The following VWF variants were observed in gnomAD, a reference collection of about 807,000 sequenced individuals.
VWF encodes the protein Factor VIII related antigen.
In VWF, 176 loss-of-function variants were observed where a neutral mutation model predicts 308.6. The ratio of observed to expected loss-of-function variants is 0.57; its 90% CI spans 0.50 to 0.65. VWF has a LOEUF of 0.65. VWF is among the 30% of genes least tolerant of loss of function. The pLI, the probability that VWF is intolerant of heterozygous loss-of-function variation, is 0.00. For missense variants in VWF, 3,146 were observed against 3,648.2 expected (o/e 0.86, Z 3.55); for synonymous variants, 1,385 against 1,443.4 (o/e 0.96, Z 0.92).
chr12:6,030,515 A>G (rs1944248706), intron 21 of VWF, among the ~76,000 whole-genome samples: 1 of 152,184 alleles, frequency 6.6e-6, no homozygotes, highest in South Asian at 2.1e-4. Context: ...CACTCCACAT[A>G]GTCAAAGCAG....
At chr12:6,113,920 C>A (rs1945337515) in intron 3 of VWF, among the ~76,000 whole-genome samples, 1 of 152,240 alleles carries the variant, frequency 6.6e-6, no homozygotes, top group South Asian at 2.1e-4. Context: ...CACTGGAGAC[C>A]TGCCAGAGCA....
chr12:6,064,030 T>C (rs978630095), intron 12 of VWF, among the ~76,000 whole-genome samples: 2 of 152,236 alleles, frequency 1.3e-5, no homozygotes, highest in Non-Finnish European at 1.5e-5. Context: ...TCTTCATCTA[T>C]AGGCTTCCTT....
intron 4 of VWF, 84 bp downstream of exon 4, chr12:6,110,782 G>A (rs1252230456): frequency 4.8e-6 from 7 of 1,467,152 alleles, no homozygotes; most frequent in African/African-American, 1.4e-5. Context: ...CCATTCTCTG[G>A]GCCCCAGCTT....
chr12:5,964,172 T>C (rs544221739), intron 47 of VWF, among the ~76,000 whole-genome samples: 4 of 138,926 alleles, frequency 2.9e-5, no homozygotes, highest in Admixed American at 7.1e-5. Context: ...AGCCGAGATC[T>C]CACCACTGCA....
rs549908969 is a variant in VWF, at chr12:5,968,222, C to T, written c.7730-55G>A. 356 of 1,608,740 alleles carry T rather than the reference C, an allele frequency of 2.2e-4. 1 individual carries two copies. In the African/African-American group the frequency reaches 4.1e-3, roughly 18 times the overall value. On this transcript the variant is annotated intron_variant, in intron 45 of 51. Transcript: ENST00000261405. ...TGGGCAAAACACACCCTGGTGAGAC[C>T]GGCGAGCAGGCTGCTCTCTTTGGGG...
rs115157369 is a variant in VWF, at chr12:6,020,640, T to A, written c.3675-897A>T. 3.1e-3 allele frequency among the ~76,000 whole-genome samples: 476 copies of A among 152,348 alleles called. 3 individuals carry two copies. Among genetic ancestry groups the A allele is most frequent in the African/African-American group, 0.011 (458 of 41,590 alleles). ...GCCCACAGGTGAAATCAAGTGACCG[T>A]GTGGTGGAGACCAATATGGGCCAGG... is the stretch of plus-strand genomic sequence containing the variant. On this transcript the variant is annotated intron_variant, in intron 27 of 51. Coordinates refer to ENST00000261405, the MANE Select transcript of VWF (RefSeq NM_000552.5). The surrounding 1 kb of genome is among the most constrained non-coding windows in gnomAD (Gnocchi z 4.3).
At chr12:5,977,861 C>A (rs191276807) in intron 42 of VWF, among the ~76,000 whole-genome samples, 85 of 149,210 alleles carry the variant, frequency 5.7e-4, no homozygotes, top group African/African-American at 2.0e-3. Context: ...CAGAGCAAGA[C>A]CCTATCTCTC....
chr12:5,979,004 C>G (rs918710890), intron 42 of VWF, among the ~76,000 whole-genome samples: 2 of 152,156 alleles, frequency 1.3e-5, no homozygotes, highest in East Asian at 3.9e-4. Context: ...CCCCCATTTA[C>G]CCCAGGGAGG....
rs558167224 is a variant in VWF at position 6,019,449 on chromosome 12, G to T, written c.3969C>A (p.Asp1323Glu). Residue 1323 changes from aspartate to glutamate, a missense_variant, in exon 28 of 52, where the codon GAC (aspartate) becomes GAA (glutamate). By Grantham distance (45) the Asp-to-Glu change is conservative. Transcript: ENST00000261405. This position sits in a 1 kb window ranked among gnomAD's most constrained non-coding sequence, Gnocchi z 5.8. The stretch of plus-strand genomic sequence containing the variant: ...TGAGCCCGATGTAGGCGTGGGAGCC[G>T]TCGTGGTACTCCACCACGGCCACGC... ...WVRVAVVEYH[D>E]GSHAYIGLKD... 28 of 1,613,772 alleles carry T rather than the reference G, an allele frequency of 1.7e-5. No homozygotes were observed. The highest frequency in any genetic ancestry group is 5.0e-5 in the Admixed American group (3 of 59,998).
intron 38 of VWF, among the ~76,000 whole-genome samples, chr12:5,986,173 G>A (rs998831077): frequency 4.6e-5 from 7 of 152,188 alleles, no homozygotes; most frequent in African/African-American, 1.7e-4. Flanking sequence ...ACGGCCCAGG[G>A]CAGAGAGCAG....
intron 6 of VWF, among the ~76,000 whole-genome samples, chr12:6,083,196 T>C (rs530089299): frequency 2.0e-5 from 3 of 147,426 alleles, no homozygotes; most frequent in East Asian, 2.0e-4. Context: ...CTTGTATTTT[T>C]AGTAGAGATG....
intron 3 of VWF, among the ~76,000 whole-genome samples, chr12:6,117,654 A>G (rs1164114852): frequency 1.3e-5 from 2 of 152,194 alleles, no homozygotes; most frequent in African/African-American, 4.8e-5. Context: ...CGTCTCTACT[A>G]AAAACACAAA....
At chr12:5,992,341 C>T (rs980418448) in intron 37 of VWF, among the ~76,000 whole-genome samples, 1 of 152,204 alleles carries the variant, frequency 6.6e-6, no homozygotes, top group African/African-American at 2.4e-5. Context: ...TATGCATGCT[C>T]CTTGTCCCTC....
chr12:5,982,832 G>A (rs181492258), intron 41 of VWF, among the ~76,000 whole-genome samples: 1 of 150,978 alleles, frequency 6.6e-6, no homozygotes, highest in Admixed American at 6.6e-5. Flanking sequence ...TCCCCTTGAT[G>A]ACATACAGGA....
rs201548925 is a variant in VWF, at chr12:6,013,568, C to T, written c.5533G>A (p.Asp1845Asn). 119 of 1,614,006 alleles carry T rather than the reference C, an allele frequency of 7.4e-5. 1 individual carries two copies. The East Asian group carries it at 1.2e-3, about 16-fold the overall frequency. ...CGCTGGAGCTTCACCACGTTGGAGT[C>T]GCCTGCTGGGCCTGCCAAGATCCGT... ...QLRILAGPAG[D>N]SNVVKLQRIE... Residue 1845 changes from aspartate to asparagine, a missense_variant, in exon 32 of 52, where the codon GAC (aspartate) becomes AAC (asparagine). Physicochemically the swap from Asp to Asn is conservative, Grantham distance 23. Coordinates refer to ENST00000261405, the MANE Select transcript of VWF (RefSeq NM_000552.5).
Position 5,950,104 on chromosome 12 carries a change from A to T in VWF, c.8156-221T>A, listed in dbSNP as rs554623438. Among the ~76,000 whole-genome samples the T allele has an allele frequency of 3.3e-5, 5 of 152,336 alleles. No individual in the cohort carries two copies. In the South Asian group the frequency reaches 1.0e-3, roughly 32 times the overall value. ...TGCTGGACTTAACTCACTTAATGGT[A>T]CAATTTTAATTGCAGGAAGAGCCTA... On this transcript the variant is annotated intron_variant, in intron 50 of 51. Transcript: ENST00000261405.
Position 6,018,667 on chromosome 12 carries a change from T to C in VWF, c.4751A>G (p.Tyr1584Cys), listed in dbSNP as rs1800386. The change falls in exon 28 of 52, where the codon TAC becomes TGC. Residue 1584 changes from tyrosine (Y) to cysteine (C), a missense_variant. Tyr to Cys is a radical substitution (Grantham distance 194). Around this residue, in one of 3 missense-constraint regions of VWF, gnomAD observed 853 missense variants for 1,177.8 expected, o/e 0.72. Transcript: ENST00000261405. ...GACCAAGAAGCTGTGGTCAGAGAGG[T>C]ACCGCAGGGCCAGCCCAGTGTTGGT... ...NRTNTGLALR[Y>C]LSDHSFLVSQ... 5,555 of 1,613,678 alleles carry C rather than the reference T, an allele frequency of 3.4e-3. 15 individuals carry two copies. The highest frequency in any genetic ancestry group is 4.1e-3 in the Non-Finnish European group (4,843 of 1,179,782).
chr12:6,108,420 T>C (rs143640346), intron 5 of VWF, among the ~76,000 whole-genome samples: 2 of 149,384 alleles, frequency 1.3e-5, no homozygotes, highest in Admixed American at 6.7e-5. Flanking sequence ...ACCACCATTA[T>C]AGAAAAATTT....
chr12:6,097,661 C>T (rs1945119336), intron 5 of VWF, among the ~76,000 whole-genome samples: 1 of 152,162 alleles, frequency 6.6e-6, no homozygotes, highest in African/African-American at 2.4e-5. Context: ...TGATTGCAAA[C>T]TTCTGACCTC....
Sources: gnomAD v4.1 joint callset for allele counts (sites outside exome capture counted in the v4.1 genomes callset) on GRCh38, gnomAD v4.1.1 for gene constraint, gnomAD v4.1.1 regional missense constraint, Gnocchi (gnomAD v3.1) non-coding constraint, MANE v1.5 for transcripts, NCBI Gene and HGNC (gene_info 2026-07-23, HGNC 2026-07-21) for gene names.